Variants in KIAA1958 observed in about 807,000 individuals in gnomAD.
KIAA1958 encodes the protein uncharacterized protein KIAA1958.
A neutral mutation model predicts 47.2 loss-of-function variants in KIAA1958; 14 were observed. That is an observed-to-expected ratio of 0.30 (90% CI 0.20 to 0.46). The LOEUF (loss-of-function observed/expected upper bound fraction) is 0.46. KIAA1958 is among the 20% of genes least tolerant of loss of function. The pLI is 1.00. For missense variants in KIAA1958, 803 were observed against 909.2 expected, an observed-to-expected ratio of 0.88 and a Z score of 1.50; for synonymous variants, 354 against 353.3, an observed-to-expected ratio of 1.00 and a Z score of -0.02.
In KIAA1958 at chr9:112,659,254, T is replaced by G; in HGVS notation, c.1345-9T>G. 6.2e-7 allele frequency: 1 copy of G among 1,604,086 alleles called. No individual in the cohort carries two copies. The highest frequency in any genetic ancestry group is 8.5e-7 in the Non-Finnish European group (1 of 1,174,236). On this transcript the variant is annotated splice_polypyrimidine_tract_variant and intron_variant, in intron 3 of 3. Coordinates refer to ENST00000337530, the MANE Select transcript of KIAA1958 (RefSeq NM_133465.4). ...CAAGTGTGTAACCTCCGTGTTTGTCTCATTTGAGATCCCTGCAGTGAAGTT... is the reference window on the plus strand; with the variant it reads ...CAAGTGTGTAACCTCCGTGTTTGTCGCATTTGAGATCCCTGCAGTGAAGTT...
In KIAA1958 at chr9:112,574,741, G is replaced by A. The variant is rs1345144481; in HGVS notation, c.661G>A (p.Gly221Arg). ...YYIVANAELTGGVDGPALSLT... is the reference protein window; with the variant it reads ...YYIVANAELTRGVDGPALSLT... ...CATTGTGGCAAATGCAGAACTGACA[G>A]GAGGAGTAGATGGACCAGCCCTGTC... The change falls in exon 2 of 4, where the codon GGA (glycine) becomes AGA (arginine). Residue 221 changes from glycine (G) to arginine (R), a missense_variant. By Grantham distance (125) the Gly-to-Arg change is moderately radical (BLOSUM62 -2). This residue lies in a region of KIAA1958 where 761 missense variants were observed against 829.3 expected (regional missense o/e 0.92). Coordinates refer to ENST00000337530, the MANE Select transcript of KIAA1958 (RefSeq NM_133465.4). 3 of 1,614,154 alleles carry A rather than the reference G, an allele frequency of 1.9e-6. No individual in the cohort carries two copies. Among genetic ancestry groups the A allele is most frequent in the Non-Finnish European group, 1.7e-6 (2 of 1,180,018 alleles).
At chr9:112,534,742 C>T (rs980683985) in intron 1 of KIAA1958, among the ~76,000 whole-genome samples, 1 of 152,046 alleles carries the variant, frequency 6.6e-6, no homozygotes, top group African/African-American at 2.4e-5. Flanking sequence ...TGGGGTTTCT[C>T]CATGTTGGCC....
At chr9:112,490,999 A>G (rs1181776325) in intron 1 of KIAA1958, among the ~76,000 whole-genome samples, 2 of 152,176 alleles carry the variant, frequency 1.3e-5, no homozygotes, top group Non-Finnish European at 1.5e-5. Flanking sequence ...ACACAGTCGC[A>G]CTCTGTCACC....
intron 2 of KIAA1958, among the ~76,000 whole-genome samples, chr9:112,582,934 T>C (rs62568625): frequency 0.11 from 16,869 of 152,148 alleles, 1,382 homozygotes; most frequent in East Asian, 0.2. Context: ...AATGAATCTC[T>C]CTGAAAAGAA....
chr9:112,538,356 A>G (rs537431704), intron 1 of KIAA1958, among the ~76,000 whole-genome samples: 44 of 152,226 alleles, frequency 2.9e-4, no homozygotes, highest in Middle Eastern at 3.4e-3. Flanking sequence ...TGTCTCAAAA[A>G]AAAGAAAGAA....
chr9:112,613,103 A>G (rs1008196593), intron 2 of KIAA1958, among the ~76,000 whole-genome samples: 1 of 152,180 alleles, frequency 6.6e-6, no homozygotes, highest in Non-Finnish European at 1.5e-5. Flanking sequence ...AACTGGTAAC[A>G]TTGGTTGTTG....
At chr9:112,492,670 G>A (rs1486249540) in intron 1 of KIAA1958, among the ~76,000 whole-genome samples, 1 of 152,104 alleles carries the variant, frequency 6.6e-6, no homozygotes, top group Non-Finnish European at 1.5e-5. Context: ...TAAAAATAAA[G>A]TAGCTAAAGG....
intron 1 of KIAA1958, among the ~76,000 whole-genome samples, chr9:112,564,394 C>A (rs1339356850): frequency 1.3e-5 from 2 of 152,138 alleles, no homozygotes; most frequent in African/African-American, 4.8e-5. Context: ...AACACAGCAA[C>A]AACAAACTCT....
intron 1 of KIAA1958, among the ~76,000 whole-genome samples, chr9:112,542,702 T>C (rs1051555015): frequency 1.3e-5 from 2 of 152,192 alleles, no homozygotes; most frequent in African/African-American, 4.8e-5. Flanking sequence ...TCTCTCTGCA[T>C]GAGATGAACC....
chr9:112,613,072 A>T (rs9886905), intron 2 of KIAA1958, among the ~76,000 whole-genome samples: 146,088 of 152,314 alleles, frequency 0.96, 70,105 homozygotes, highest in African/African-American at 0.99. Flanking sequence ...AAATGTAAAA[A>T]CTTGAAAATT....
At chr9:112,628,765 C>A (rs529642967) in intron 2 of KIAA1958, among the ~76,000 whole-genome samples, 62 of 151,514 alleles carry the variant, frequency 4.1e-4, no homozygotes, top group Admixed American at 5.2e-4. Context: ...GTTTTTAAAT[C>A]AAAAAAATAT....
Position 112,574,762 on chromosome 9 carries a change from C to G in KIAA1958, c.682C>G (p.Leu228Val). The G allele has an allele frequency of 1.2e-6, 2 of 1,614,106 alleles. No individual in the cohort carries two copies. Among genetic ancestry groups the G allele is most frequent in the Non-Finnish European group, 1.7e-6 (2 of 1,179,980 alleles). The change falls in exon 2 of 4, where the codon CTG (leucine) becomes GTG (valine). Residue 228 changes from leucine (L) to valine (V), a missense_variant. By Grantham distance (32) the Leu-to-Val change is conservative (BLOSUM62 1). Around this residue, in one of 2 missense-constraint regions of KIAA1958, gnomAD observed 761 missense variants for 829.3 expected, o/e 0.92. Transcript: ENST00000337530. ...GACAGGAGGAGTAGATGGACCAGCC[C>G]TGTCCTTGACACAGATGGCAAAACC... ...ELTGGVDGPALSLTQMAKPKP... is the reference protein window; with the variant it reads ...ELTGGVDGPAVSLTQMAKPKP...
chr9:112,574,941 A>G lies in KIAA1958; in HGVS notation c.861A>G (p.Val287=). ...SRPIVQKTAR[V]SLASPNRGPP... Reference sequence around the variant, plus strand: ...CAATTGTCCAGAAGACTGCTAGGGTATCTCTGGCTTCACCAAACAGAGGAC... The same window carrying G: ...CAATTGTCCAGAAGACTGCTAGGGTGTCTCTGGCTTCACCAAACAGAGGAC... Residue 287 remains valine (V), a synonymous_variant, in exon 2 of 4, where the codon GTA becomes GTG. Transcript: ENST00000337530. The G allele has an allele frequency of 6.2e-7, 1 of 1,614,076 alleles. No homozygotes were observed. Among genetic ancestry groups the G allele is most frequent in the Non-Finnish European group, 8.5e-7 (1 of 1,179,992 alleles).
intron 2 of KIAA1958, among the ~76,000 whole-genome samples, chr9:112,645,370 T>C (rs11794251): frequency 0.069 from 10,504 of 152,288 alleles, 451 homozygotes; most frequent in East Asian, 0.1. Context: ...ATTTTTATAC[T>C]TCTATTATTG....
At chr9:112,616,108 C>T (rs887289113) in intron 2 of KIAA1958, among the ~76,000 whole-genome samples, 9 of 152,224 alleles carry the variant, frequency 5.9e-5, no homozygotes, top group Non-Finnish European at 1.2e-4. Context: ...CAAATGGTTA[C>T]ATTCAACCTG....
intron 1 of KIAA1958, among the ~76,000 whole-genome samples, chr9:112,500,215 C>T (rs1240172145): frequency 6.6e-6 from 1 of 152,050 alleles, no homozygotes; most frequent in African/African-American, 2.4e-5. Context: ...ATTCTTGTGC[C>T]TCAGCCTCCC....
At position 112,668,732 on chromosome 9, in the gene KIAA1958, T is replaced by C. The variant is rs938584619; in HGVS notation, c.*8663T>C. 3.9e-5 allele frequency: 6 copies of C among 152,226 alleles called. No individual in the cohort carries two copies. The highest frequency in any genetic ancestry group is 6.5e-5 in the Admixed American group (1 of 15,278). 9.4% of individuals were successfully genotyped at this position (152,226 alleles called of 1,614,324 possible). The stretch of plus-strand genomic sequence containing the variant: ...CAATAGAATAGGCAATGGACTGCTT[T>C]GCATTTCCTTAGTTTTTCATTCTGA... On this transcript the variant is annotated 3_prime_UTR_variant, in exon 4 of 4. Transcript: ENST00000337530.
intron 2 of KIAA1958, among the ~76,000 whole-genome samples, chr9:112,610,990 G>T (rs750051111): frequency 5.2e-4 from 79 of 152,108 alleles, no homozygotes; most frequent in Non-Finnish European, 7.4e-4. Flanking sequence ...CTCCATAGAT[G>T]CTGAAAACCC....
chr9:112,654,501 A>G (rs1837115502), intron 3 of KIAA1958, among the ~76,000 whole-genome samples: 1 of 152,098 alleles, frequency 6.6e-6, no homozygotes, highest in Non-Finnish European at 1.5e-5. Flanking sequence ...AGCTATGTGA[A>G]AAAAGCACTC....
Sources: allele counts gnomAD v4.1 joint callset (sites outside exome capture counted in the v4.1 genomes callset), GRCh38; gene constraint gnomAD v4.1.1; regional missense constraint gnomAD v4.1.1; transcripts MANE v1.5; gene names NCBI Gene and HGNC (gene_info 2026-07-23, HGNC 2026-07-21).